SLC43A1: variants seen among roughly 807,000 people sequenced by gnomAD.
The protein encoded by SLC43A1 is solute carrier family 43 member 1.
A neutral mutation model predicts 59.5 loss-of-function variants in SLC43A1; 31 were observed. That is an observed-to-expected ratio of 0.52 (90% CI 0.39 to 0.70). The LOEUF is 0.70. Among genes scored for constraint, SLC43A1 ranks in the 30% least tolerant of loss-of-function variants. The pLI is 0.00. For missense variants in SLC43A1, 598 were observed against 717.8 expected, an observed-to-expected ratio of 0.83 and a Z score of 1.91; for synonymous variants, 259 against 290.9, an observed-to-expected ratio of 0.89 and a Z score of 1.12.
intron 8 of SLC43A1, among the ~76,000 whole-genome samples, chr11:57,492,116 C>A (rs1194612965): frequency 6.6e-6 from 1 of 151,770 alleles, no homozygotes; most frequent in East Asian, 1.9e-4. Context: ...CGCCTGTAAT[C>A]CCAACACTTT....
Position 57,491,446 on chromosome 11 carries a change from C to T in SLC43A1, c.1055-84G>A, listed in dbSNP as rs1444226012. ...CCCTTCCAGCGGAGGCCAGAGAGCACCAAAATAGCCTTCCTCTGAACCCAG... is the reference window on the plus strand; with the variant it reads ...CCCTTCCAGCGGAGGCCAGAGAGCATCAAAATAGCCTTCCTCTGAACCCAG... On this transcript the variant is annotated intron_variant, in intron 10 of 14. Transcript: ENST00000278426. 9.0e-6 allele frequency: 14 copies of T among 1,555,296 alleles called. No individual in the cohort carries two copies. The East Asian group carries it at 2.7e-4, about 30-fold the overall frequency.
chr11:57,514,931 T>C lies in SLC43A1; in HGVS notation c.-14+513A>G. The C allele has an allele frequency of 1.0e-6, 1 of 974,336 alleles. No individual in the cohort carries two copies. Among genetic ancestry groups the C allele is most frequent in the Non-Finnish European group, 1.2e-6 (1 of 820,054 alleles). The allele number at this position is 974,336 out of a possible 1,614,324, so 60.4% of individuals were successfully genotyped here. The stretch of plus-strand genomic sequence containing the variant: ...GGATGGGCTGGCGGGCGGGTGTGTT[T>C]ACCAAAGGGAGGGAAAGAGCCCCAG... On this transcript the variant is annotated intron_variant, in intron 1 of 14. Transcript: ENST00000278426. This position sits in a 1 kb window ranked among gnomAD's most constrained non-coding sequence, Gnocchi z 5.5.
At chr11:57,496,827 C>T (rs1001550157) in intron 6 of SLC43A1, among the ~76,000 whole-genome samples, 26 of 152,202 alleles carry the variant, frequency 1.7e-4, no homozygotes, top group Non-Finnish European at 1.2e-4. Flanking sequence ...TCCTCTTGTC[C>T]TCCCCATACC....
At chr11:57,489,019 T>C in intron 12 of SLC43A1, 30 bp from the exon 13 acceptor site, 1 of 1,604,354 alleles carries the variant, frequency 6.2e-7, no homozygotes, top group African/African-American at 1.3e-5. Context: ...GTGAAGAGGT[T>C]AGGAGAGTGT....
chr11:57,494,461 G>A (rs1438126453), intron 7 of SLC43A1: 8 of 425,592 alleles, frequency 1.9e-5, no homozygotes, highest in Admixed American at 4.8e-5. Context: ...GACAGCCTGC[G>A]TCCAACCTAA....
chr11:57,492,908 T>C lies in SLC43A1; in HGVS notation c.872-1046A>G, dbSNP rs547479957. On this transcript the variant is annotated intron_variant, in intron 8 of 14. Coordinates refer to ENST00000278426, the MANE Select transcript of SLC43A1 (RefSeq NM_003627.6). ...TACAAAAATTAGCCGAGCATGGTGGTGCACGCCTGTAGTCCCAGCTATTTG... is the reference window on the plus strand; with the variant it reads ...TACAAAAATTAGCCGAGCATGGTGGCGCACGCCTGTAGTCCCAGCTATTTG... 9.9e-5 allele frequency among the ~76,000 whole-genome samples: 15 copies of C among 151,732 alleles called. No homozygotes were observed. The South Asian group carries it at 1.5e-3, about 15-fold the overall frequency.
At chr11:57,490,021 G>C (rs1376590680) in intron 11 of SLC43A1, among the ~76,000 whole-genome samples, 1 of 152,200 alleles carries the variant, frequency 6.6e-6, no homozygotes, top group African/African-American at 2.4e-5. Flanking sequence ...GGGTAGAGGA[G>C]GAAGGCTCAG....
rs748832174 is a variant in SLC43A1 at position 57,489,335 on chromosome 11, G to A, written c.1251C>T (p.Thr417=). The A allele has an allele frequency of 2.5e-6, 4 of 1,614,064 alleles. No individual in the cohort carries two copies. The highest frequency in any genetic ancestry group is 1.7e-5 in the Admixed American group (1 of 59,996). ...TCAGGGTGAAGGCACTGATGGCATT[G>A]GTGAGCTTTTGGATCTTGCAGTAGC... The part of the protein sequence containing the change: ...RPRYCKIQKL[T]NAISAFTLTN... Residue 417 remains threonine (T), a synonymous_variant, in exon 12 of 15, where the codon ACC becomes ACT. Transcript: ENST00000278426.
chr11:57,503,239 G>A (rs1452806974), intron 2 of SLC43A1, among the ~76,000 whole-genome samples: 2 of 151,966 alleles, frequency 1.3e-5, no homozygotes, highest in African/African-American at 4.8e-5. Context: ...ACAGCCTTTG[G>A]GGATCAGGCT....
At chr11:57,502,191 G>T (rs1446330736) in intron 2 of SLC43A1, among the ~76,000 whole-genome samples, 4 of 152,252 alleles carry the variant, frequency 2.6e-5, no homozygotes, top group African/African-American at 4.8e-5. Flanking sequence ...GAGTCATGAG[G>T]TGGCTGCCCC....
In SLC43A1 at chr11:57,514,713, G is replaced by T; in HGVS notation, c.-13-589C>A. 1 of 592,150 alleles carries T rather than the reference G, an allele frequency of 1.7e-6. No homozygotes were observed. Among genetic ancestry groups the T allele is most frequent in the South Asian group, 7.4e-5 (1 of 13,538 alleles). 36.7% of individuals were successfully genotyped at this position (592,150 alleles called of 1,614,324 possible). A position where few individuals can be genotyped will look rare whatever the true frequency, so the allele number is the denominator to read the frequency against. On this transcript the variant is annotated intron_variant, in intron 1 of 14. Transcript: ENST00000278426. This position sits in a 1 kb window ranked among gnomAD's most constrained non-coding sequence, Gnocchi z 5.5. ...AGTCTCTCGGGCCAAGCCAACAGCT[G>T]CCACGTGGAGGGAGACCCAGGACGG...
At chr11:57,510,236 C>A (rs1347987368) in intron 2 of SLC43A1, among the ~76,000 whole-genome samples, 1 of 151,878 alleles carries the variant, frequency 6.6e-6, no homozygotes, top group Non-Finnish European at 1.5e-5. Flanking sequence ...GTGGGCGGAT[C>A]ACTTGAGGTC....
Position 57,501,012 on chromosome 11 carries a change from C to T in SLC43A1, c.364G>A (p.Ala122Thr). The change falls in exon 4 of 15, where the codon GCC becomes ACC. Residue 122 changes from alanine (A) to threonine (T), a missense_variant. By Grantham distance (58) the Ala-to-Thr change is moderately conservative. Coordinates refer to ENST00000278426, the MANE Select transcript of SLC43A1 (RefSeq NM_003627.6). Reference sequence around the variant, plus strand: ...CCTTCCACGTCCCGGGAGGCCAGGGCCATGAGGGTGCAGGACGCAGTGAAG... The same window carrying T: ...CCTTCCACGTCCCGGGAGGCCAGGGTCATGAGGGTGCAGGACGCAGTGAAG... Reference protein sequence around the residue: ...ACFTASCTLMALASRDVEALS... With the variant: ...ACFTASCTLMTLASRDVEALS... The T allele has an allele frequency of 6.2e-7, 1 of 1,601,466 alleles. No homozygotes were observed.
rs1451702851 is a variant in SLC43A1, at chr11:57,514,904, G to A, written c.-14+540C>T. The A allele has an allele frequency of 3.1e-6, 3 of 981,714 alleles. No homozygotes were observed. Among genetic ancestry groups the A allele is most frequent in the East Asian group, 2.3e-4 (2 of 8,764 alleles). 60.8% of individuals were successfully genotyped at this position (981,714 alleles called of 1,614,324 possible). On this transcript the variant is annotated intron_variant, in intron 1 of 14. Transcript: ENST00000278426. The surrounding 1 kb of genome is among the most constrained non-coding windows in gnomAD (Gnocchi z 5.5). Reference sequence around the variant, plus strand: ...TGCTGACTTTATAAGGGCAGCGGTGGCGGATGGGCTGGCGGGCGGGTGTGT... The same window carrying A: ...TGCTGACTTTATAAGGGCAGCGGTGACGGATGGGCTGGCGGGCGGGTGTGT...
rs1389141646 is a variant in SLC43A1, at chr11:57,485,221, A to C, written c.1555T>G (p.Phe519Val). The C allele has an allele frequency of 2.5e-6, 4 of 1,613,430 alleles. No individual in the cohort carries two copies. The African/African-American group carries it at 4.0e-5, about 16-fold the overall frequency. Residue 519 changes from phenylalanine (F) to valine (V), a missense_variant, in exon 15 of 15, where the codon TTC becomes GTC. Physicochemically the swap from Phe to Val is conservative, Grantham distance 50. Coordinates refer to ENST00000278426, the MANE Select transcript of SLC43A1 (RefSeq NM_003627.6). ...GGCAACAGGAATCCCAGGAGTGAGA[A>C]TAGCAGGAGGCCCAGATTCACCTTT... is the stretch of plus-strand genomic sequence containing the variant. ...PFWVNLGLLLFSLLGFLLPSY... is the reference protein window; with the variant it reads ...PFWVNLGLLLVSLLGFLLPSY...
intron 2 of SLC43A1, among the ~76,000 whole-genome samples, chr11:57,509,548 A>T (rs1386141686): frequency 6.6e-6 from 1 of 151,084 alleles, no homozygotes; most frequent in Non-Finnish European, 1.5e-5. Flanking sequence ...AGATCGTGCC[A>T]CTACACTCCA....
At chr11:57,506,307 T>C (rs116321013) in intron 2 of SLC43A1, among the ~76,000 whole-genome samples, 218 of 151,810 alleles carry the variant, frequency 1.4e-3, no homozygotes, top group African/African-American at 5.0e-3. Context: ...GACCACACCA[T>C]TGCAGTCCAG....
intron 2 of SLC43A1, among the ~76,000 whole-genome samples, chr11:57,503,434 C>T (rs1565137896): frequency 6.6e-6 from 1 of 151,924 alleles, no homozygotes; most frequent in African/African-American, 2.4e-5. Flanking sequence ...AGTGATACCC[C>T]CACCTCAGCC....
At chr11:57,508,412 A>G (rs1275748290) in intron 2 of SLC43A1, among the ~76,000 whole-genome samples, 1 of 152,192 alleles carries the variant, frequency 6.6e-6, no homozygotes, top group Non-Finnish European at 1.5e-5. Flanking sequence ...TGTTCTTGGG[A>G]CACTGCAGAG....
Sources: gnomAD v4.1 joint callset for allele counts (sites outside exome capture counted in the v4.1 genomes callset) on GRCh38, gnomAD v4.1.1 for gene constraint, Gnocchi (gnomAD v3.1) non-coding constraint, MANE v1.5 for transcripts, NCBI Gene and HGNC (gene_info 2026-07-23, HGNC 2026-07-21) for gene names.